The following CDH8 variants were observed in gnomAD, a reference collection of about 807,000 sequenced individuals.
The protein encoded by CDH8 is cadherin 8, also known as cadherin-8.
Under a neutral mutation model 68.1 loss-of-function variants are expected in CDH8, and 17 were observed. That is an observed-to-expected ratio of 0.25 (90% CI 0.17 to 0.37). The LOEUF is 0.37. Among genes scored for constraint, CDH8 ranks in the 10% least tolerant of loss-of-function variants. The pLI, the probability that CDH8 is intolerant of heterozygous loss-of-function variation, is 1.00. For synonymous variants in CDH8, 372 were observed against 365.1 expected (o/e 1.02, Z -0.21); for missense variants, 763 against 999.3 (o/e 0.76, Z 3.19).
At chr16:61,688,608 T>C (rs2142824369) in intron 10 of CDH8, among the ~76,000 whole-genome samples, 1 of 152,050 alleles carries the variant, frequency 6.6e-6, no homozygotes, top group Middle Eastern at 3.4e-3. Flanking sequence ...TTTGAGTTTC[T>C]GCAGAATTAC....
intron 1 of CDH8, among the ~76,000 whole-genome samples, chr16:62,022,548 A>C (rs1223807138): frequency 6.6e-6 from 1 of 151,462 alleles, no homozygotes; most frequent in African/African-American, 2.4e-5. Context: ...CTTTACTCTC[A>C]AAAAAAAATA....
chr16:62,008,895 G>A (rs555614580), intron 2 of CDH8, among the ~76,000 whole-genome samples: 18 of 152,062 alleles, frequency 1.2e-4, no homozygotes, highest in African/African-American at 4.1e-4. Context: ...CAGAGGATGA[G>A]CTTTGCCAAA....
chr16:61,736,112 A>AAAGGAAGGAAGAAAGG (rs1555506341), intron 8 of CDH8, among the ~76,000 whole-genome samples: 3 of 116,464 alleles, frequency 2.6e-5, no homozygotes, highest in Non-Finnish European at 5.1e-5. Flanking sequence ...AGAAAGAAAG[A>AAAGGAAGGAAGAAAGG]AAGGAAGGAA....
chr16:61,705,751 CTTTG>C (rs77595887), intron 10 of CDH8, among the ~76,000 whole-genome samples: 22,636 of 152,058 alleles, frequency 0.15, 1,872 homozygotes, highest in African/African-American at 0.23. Flanking sequence ...AAGGAGGAAA[CTTTG>C]TTTGTGAAAG....
intron 8 of CDH8, among the ~76,000 whole-genome samples, chr16:61,745,156 T>C (rs1020277770): frequency 3.3e-5 from 5 of 151,870 alleles, no homozygotes; most frequent in Non-Finnish European, 4.4e-5. Flanking sequence ...CTTGATATAA[T>C]ATTTTGGCTT....
chr16:61,867,225 C>T (rs759998392), intron 3 of CDH8, among the ~76,000 whole-genome samples: 30 of 152,176 alleles, frequency 2.0e-4, no homozygotes, highest in Non-Finnish European at 3.7e-4. Context: ...CTATACATGC[C>T]GCCATCAATG....
intron 4 of CDH8, among the ~76,000 whole-genome samples, chr16:61,829,065 T>G (rs1033771526): frequency 6.6e-6 from 1 of 151,812 alleles, no homozygotes; most frequent in Non-Finnish European, 1.5e-5. Context: ...CCTTAATAGA[T>G]TGCCCCAATT....
intron 8 of CDH8, among the ~76,000 whole-genome samples, chr16:61,759,904 T>C (rs1960420078): frequency 6.6e-6 from 1 of 152,164 alleles, no homozygotes; most frequent in Admixed American, 6.6e-5. Context: ...TGTGTCAATA[T>C]CAGAGCTGCT....
At chr16:61,917,623 G>C (rs1964265119) in intron 2 of CDH8, among the ~76,000 whole-genome samples, 1 of 152,160 alleles carries the variant, frequency 6.6e-6, no homozygotes, top group Non-Finnish European at 1.5e-5. Flanking sequence ...CTATCTGTAA[G>C]TAACAAATCC....
chr16:61,834,113 AAG>A (rs1390757404), intron 4 of CDH8, among the ~76,000 whole-genome samples: 1 of 151,938 alleles, frequency 6.6e-6, no homozygotes, highest in Non-Finnish European at 1.5e-5. Flanking sequence ...TGGAAGAAGA[AAG>A]AGAGAGAAAA....
At chr16:61,832,860 T>C (rs562354906) in intron 4 of CDH8, among the ~76,000 whole-genome samples, 1 of 151,778 alleles carries the variant, frequency 6.6e-6, no homozygotes, top group South Asian at 2.1e-4. Flanking sequence ...GCCTGTGTTA[T>C]ATGGTGCATA....
chr16:61,910,719 G>GATTT (rs1270188587), intron 2 of CDH8, among the ~76,000 whole-genome samples: 1 of 152,092 alleles, frequency 6.6e-6, no homozygotes, highest in East Asian at 1.9e-4. Flanking sequence ...ATATAGGGTG[G>GATTT]ACTCTTATGG....
intron 3 of CDH8, among the ~76,000 whole-genome samples, chr16:61,865,176 C>A (rs1179930901): frequency 3.9e-5 from 6 of 152,082 alleles, no homozygotes; most frequent in African/African-American, 1.4e-4. Context: ...TGCAGTCAGG[C>A]GGATGGACAG....
At chr16:61,776,366 C>G (rs1218880274) in intron 8 of CDH8, among the ~76,000 whole-genome samples, 1 of 152,094 alleles carries the variant, frequency 6.6e-6, no homozygotes. Context: ...CTAATAACCT[C>G]TACTATAACT....
intron 2 of CDH8, among the ~76,000 whole-genome samples, chr16:61,903,669 A>T (rs987674647): frequency 6.6e-6 from 1 of 152,244 alleles, no homozygotes; most frequent in Non-Finnish European, 1.5e-5. Context: ...CTCTAACTAC[A>T]TGAACTGAAG....
chr16:61,858,915 T>C (rs1963100343), intron 3 of CDH8, among the ~76,000 whole-genome samples: 1 of 152,064 alleles, frequency 6.6e-6, no homozygotes, highest in African/African-American at 2.4e-5. Flanking sequence ...AGTATCGGTG[T>C]TGGGCTGTCA....
intron 2 of CDH8, among the ~76,000 whole-genome samples, chr16:61,952,350 A>G (rs1326973584): frequency 6.6e-6 from 1 of 152,126 alleles, no homozygotes; most frequent in Non-Finnish European, 1.5e-5. Context: ...GATTTGGGAG[A>G]CAGACTTATG....
At chr16:61,904,865 GC>G in intron 2 of CDH8, among the ~76,000 whole-genome samples, 1 of 152,158 alleles carries the variant, frequency 6.6e-6, no homozygotes, top group East Asian at 1.9e-4. Context: ...TCACATAAAG[GC>G]AACAACACTG....
intron 10 of CDH8, among the ~76,000 whole-genome samples, chr16:61,696,084 T>C (rs1015997092): frequency 2.6e-5 from 4 of 152,212 alleles, no homozygotes; most frequent in Admixed American, 2.0e-4. Flanking sequence ...AGTCACATAA[T>C]AGACAACTAC....
Sources: allele counts gnomAD v4.1 joint callset (sites outside exome capture counted in the v4.1 genomes callset), GRCh38; gene constraint gnomAD v4.1.1; transcripts MANE v1.5; gene names NCBI Gene and HGNC (gene_info 2026-07-23, HGNC 2026-07-21).